XIRP2: variants seen among roughly 807,000 people sequenced by gnomAD.
XIRP2 encodes xin actin binding repeat containing 2.
XIRP2 carries 236 observed loss-of-function variants against 277.0 expected under a neutral mutation model. The ratio of observed to expected loss-of-function variants is 0.85; its 90% confidence interval spans 0.77 to 0.95. XIRP2 has a LOEUF of 0.95. XIRP2 is among the 40% of genes least tolerant of loss of function. The probability of loss-of-function intolerance (pLI) is 0.00; values close to 1 mark genes in which losing one functional copy is unlikely to be tolerated. For missense variants in XIRP2, 4,640 were observed against 4,157.5 expected (o/e 1.12, Z -3.19); for synonymous variants, 1,490 against 1,416.5 (o/e 1.05, Z -1.17).
chr2:167,257,389 T>C (rs1489431796), intron 10 of XIRP2, among the ~76,000 whole-genome samples: 1 of 152,000 alleles, frequency 6.6e-6, no homozygotes, highest in Non-Finnish European at 1.5e-5. Context: ...TTCATTTTAA[T>C]TTTAAATCAC....
chr2:167,057,520 C>G (rs1670457490), intron 2 of XIRP2, among the ~76,000 whole-genome samples: 1 of 152,176 alleles, frequency 6.6e-6, no homozygotes, highest in Non-Finnish European at 1.5e-5. Context: ...GGATAGCAAG[C>G]ATTCGATAAA....
chr2:166,974,939 AG>A (rs1558935219), intron 2 of XIRP2, among the ~76,000 whole-genome samples: 1 of 152,108 alleles, frequency 6.6e-6, no homozygotes, highest in Non-Finnish European at 1.5e-5. Context: ...AAGCATTGAA[AG>A]GATTCACTAT....
At chr2:167,093,893 C>T (rs920905398) in intron 2 of XIRP2, among the ~76,000 whole-genome samples, 1 of 152,158 alleles carries the variant, frequency 6.6e-6, no homozygotes, top group Non-Finnish European at 1.5e-5. Flanking sequence ...AATCACCACT[C>T]TGTCTTCCCC....
At chr2:167,153,565 C>G (rs1001816757) in intron 3 of XIRP2, among the ~76,000 whole-genome samples, 1 of 152,050 alleles carries the variant, frequency 6.6e-6, no homozygotes. Context: ...CCACTCCCCC[C>G]ACCCCACAAC....
intron 3 of XIRP2, 152 bp downstream of exon 3, chr2:167,136,214 G>A: frequency 3.0e-6 from 2 of 674,636 alleles, no homozygotes; most frequent in African/African-American, 1.9e-5. Context: ...GAAAAATAGA[G>A]GTGTTTATAA....
chr2:167,214,184 G>C (rs1277171238), intron 4 of XIRP2, among the ~76,000 whole-genome samples: 10 of 103,234 alleles, frequency 9.7e-5, no homozygotes, highest in East Asian at 6.1e-4. Context: ...AGGAAGGAAG[G>C]AAGGAAAGAG....
rs1051044356 is a variant in XIRP2 at position 167,087,813 on chromosome 2, G to T, written c.409-48096G>T. 2.6e-5 allele frequency among the ~76,000 whole-genome samples: 4 copies of T among 151,938 alleles called. No individual in the cohort carries two copies. In the East Asian group the frequency reaches 7.8e-4, roughly 30 times the overall value. On this transcript the variant is annotated intron_variant, in intron 2 of 10. Coordinates refer to ENST00000409195, the MANE Select transcript of XIRP2 (RefSeq NM_152381.6). ...CCCTGCTTCGGCTCGCGCACGGTGC[G>T]TGCACCCACTGACCTGCGCCCACTG... is the stretch of plus-strand genomic sequence containing the variant.
intron 1 of XIRP2, among the ~76,000 whole-genome samples, chr2:166,898,724 C>A (rs1045704640): frequency 1.3e-5 from 2 of 152,070 alleles, no homozygotes; most frequent in Admixed American, 6.6e-5. Context: ...CAGAAGTTTC[C>A]TACTACCACA....
chr2:167,229,172 A>G (rs181463370), intron 5 of XIRP2, among the ~76,000 whole-genome samples: 83 of 152,234 alleles, frequency 5.5e-4, no homozygotes, highest in African/African-American at 1.9e-3. Context: ...GGAATTTTAT[A>G]TTTTCTTTGA....
intron 2 of XIRP2, among the ~76,000 whole-genome samples, chr2:166,955,059 C>T (rs891284615): frequency 1.4e-4 from 21 of 151,438 alleles, no homozygotes; most frequent in Admixed American, 4.0e-4. Context: ...ACATGTACCC[C>T]GGAACTTATA....
intron 2 of XIRP2, among the ~76,000 whole-genome samples, chr2:167,060,579 A>T (rs1452277536): frequency 1.3e-5 from 2 of 152,174 alleles, no homozygotes; most frequent in Non-Finnish European, 2.9e-5. Context: ...TATCCAATTG[A>T]CTCAGTATCA....
chr2:167,225,105 T>C (rs7602065), intron 5 of XIRP2, among the ~76,000 whole-genome samples: 43,800 of 152,134 alleles, frequency 0.29, 8,474 homozygotes, highest in African/African-American at 0.55. Context: ...TATATAGGTA[T>C]GTTGGAGCCT....
chr2:166,986,197 T>G (rs1295002247), intron 2 of XIRP2, among the ~76,000 whole-genome samples: 1 of 152,190 alleles, frequency 6.6e-6, no homozygotes, highest in Non-Finnish European at 1.5e-5. Context: ...GAGGATGGCT[T>G]TGGAATTCCT....
At chr2:166,941,775 A>G (rs569223481) in intron 2 of XIRP2, among the ~76,000 whole-genome samples, 2 of 152,344 alleles carry the variant, frequency 1.3e-5, no homozygotes, top group South Asian at 2.1e-4. Flanking sequence ...CTGTTCTATA[A>G]AAAGAAGAAA....
At chr2:167,166,723 T>A (rs1692530892) in intron 3 of XIRP2, among the ~76,000 whole-genome samples, 2 of 152,074 alleles carry the variant, frequency 1.3e-5, no homozygotes, top group African/African-American at 4.8e-5. Context: ...AACTCACTCA[T>A]CACCAAGGGC....
intron 3 of XIRP2, among the ~76,000 whole-genome samples, chr2:167,197,253 A>G (rs1693546882): frequency 6.6e-6 from 1 of 152,218 alleles, no homozygotes; most frequent in Non-Finnish European, 1.5e-5. Flanking sequence ...AATGTTGCTT[A>G]ATAACTTCTA....
chr2:167,181,187 G>C (rs1490222792), intron 3 of XIRP2, among the ~76,000 whole-genome samples: 2 of 152,198 alleles, frequency 1.3e-5, no homozygotes, highest in Non-Finnish European at 2.9e-5. Context: ...AGCAGAGGCA[G>C]GGCTGTGGCT....
At chr2:167,023,046 G>C (rs887013089) in intron 2 of XIRP2, among the ~76,000 whole-genome samples, 6 of 152,170 alleles carry the variant, frequency 3.9e-5, no homozygotes, top group African/African-American at 1.4e-4. Context: ...TTCCACAATG[G>C]TTGAACTAGT....
chr2:166,915,125 G>T lies in XIRP2; in HGVS notation c.408+11235G>T, dbSNP rs75219649. 9.1e-4 allele frequency among the ~76,000 whole-genome samples: 137 copies of T among 151,222 alleles called. 3 individuals are homozygous for T. The East Asian group carries it at 0.022, about 25-fold the overall frequency. On this transcript the variant is annotated intron_variant, in intron 2 of 10. Coordinates refer to ENST00000409195, the MANE Select transcript of XIRP2 (RefSeq NM_152381.6). Reference sequence around the variant, plus strand: ...ATCCTGGCTAACACGATGCAACCACGTCTAGACTAAAAATACAAAAAAAAA... The same window carrying T: ...ATCCTGGCTAACACGATGCAACCACTTCTAGACTAAAAATACAAAAAAAAA...
Sources: allele counts gnomAD v4.1 joint callset (sites outside exome capture counted in the v4.1 genomes callset), GRCh38; gene constraint gnomAD v4.1.1; transcripts MANE v1.5; gene names NCBI Gene and HGNC (gene_info 2026-07-23, HGNC 2026-07-21).